Variants in SVEP1 observed in about 807,000 individuals in gnomAD.
The protein encoded by SVEP1 is sushi, von Willebrand factor type A, EGF and pentraxin domain containing 1, also known as sushi, von Willebrand factor type A, EGF and pentraxin domain-containing protein 1.
SVEP1 carries 164 observed loss-of-function variants against 367.3 expected under a neutral mutation model. The ratio of observed to expected loss-of-function variants is 0.45; its 90% CI spans 0.39 to 0.51. The LOEUF (loss-of-function observed/expected upper bound fraction) is 0.51, where lower values mean the gene tolerates loss of function less well. Among genes scored for constraint, SVEP1 ranks in the 20% least tolerant of loss-of-function variants. SVEP1 has a pLI of 0.00. For synonymous variants in SVEP1, 1,666 were observed against 1,611.6 expected (o/e 1.03, Z -0.81); for missense variants, 4,117 against 4,425.3 (o/e 0.93, Z 1.98).
intron 24 of SVEP1, among the ~76,000 whole-genome samples, 198 bp downstream of exon 24, chr9:110,449,861 C>T (rs1443483844): frequency 2.0e-5 from 3 of 152,064 alleles, no homozygotes; most frequent in Non-Finnish European, 4.4e-5. Flanking sequence ...AACAGGTTGC[C>T]TATTTTAAAA....
At chr9:110,404,269 T>G in intron 39 of SVEP1, 58 bp downstream of exon 39, 1 of 1,527,022 alleles carries the variant, frequency 6.5e-7, no homozygotes. Flanking sequence ...AGATACTGCT[T>G]GCTTGGCAAT....
chr9:110,471,215 T>C (rs1829012094), intron 16 of SVEP1, 149 bp downstream of exon 16: 2 of 660,208 alleles, frequency 3.0e-6, no homozygotes, highest in Non-Finnish European at 5.0e-6. Flanking sequence ...TTCCTTAGAC[T>C]CTTGAGACAA....
At chr9:110,438,177 A>ATTT (rs10593866) in intron 27 of SVEP1, among the ~76,000 whole-genome samples, 918 of 75,532 alleles carry the variant, frequency 0.012, 84 homozygotes, top group African/African-American at 0.044. Context: ...TAGTTATGCT[A>ATTT]TTTTTTTTTT....
intron 1 of SVEP1, among the ~76,000 whole-genome samples, chr9:110,568,442 C>T (rs1588112243): frequency 6.6e-6 from 1 of 152,082 alleles, no homozygotes; most frequent in South Asian, 2.1e-4. Context: ...GTAAATATTT[C>T]GTTTTAGGAT....
At chr9:110,528,616 G>A (rs1564168320) in intron 3 of SVEP1, among the ~76,000 whole-genome samples, 2 of 151,774 alleles carry the variant, frequency 1.3e-5, no homozygotes, top group Non-Finnish European at 2.9e-5. Context: ...CTTGAGAAAT[G>A]TCTAAGTTGA....
At chr9:110,414,929 G>A (rs1202133036) in intron 36 of SVEP1, among the ~76,000 whole-genome samples, 2 of 151,942 alleles carry the variant, frequency 1.3e-5, no homozygotes, top group African/African-American at 4.8e-5. Context: ...AGAATCAAAA[G>A]GAAAAATTTA....
chr9:110,495,238 G>GC lies in SVEP1; in HGVS notation c.1800+1576dup, dbSNP rs541331589. ...CCCCCATGTAGTAGGCTGAATAACG[G>GC]CCCCCCCAAAGATCATCCATGTTCT... On this transcript the variant is annotated intron_variant, in intron 8 of 47. Transcript: ENST00000374469. Among the ~76,000 whole-genome samples, 21 of 151,906 alleles carry GC rather than the reference G, an allele frequency of 1.4e-4. No homozygotes were observed. The East Asian group carries it at 1.9e-3, about 14-fold the overall frequency.
chr9:110,502,645 T>C (rs1829551711), intron 6 of SVEP1, among the ~76,000 whole-genome samples: 1 of 152,234 alleles, frequency 6.6e-6, no homozygotes, highest in Admixed American at 6.5e-5. Flanking sequence ...TAAAGCAATT[T>C]TTAAGATTCA....
intron 27 of SVEP1, among the ~76,000 whole-genome samples, chr9:110,441,060 T>C (rs1022785139): frequency 3.3e-5 from 5 of 152,148 alleles, no homozygotes; most frequent in Non-Finnish European, 5.9e-5. Flanking sequence ...GACAAAAATA[T>C]TGTGTAAATT....
At chr9:110,565,675 G>A (rs1451011704) in intron 1 of SVEP1, among the ~76,000 whole-genome samples, 1 of 152,088 alleles carries the variant, frequency 6.6e-6, no homozygotes, top group Non-Finnish European at 1.5e-5. Context: ...CTTAGAGAGT[G>A]CCCATTCAAA....
At position 110,404,520 on chromosome 9, in the gene SVEP1, G is replaced by A. The variant is rs1827925035; in HGVS notation, c.9473C>T (p.Thr3158Ile). Residue 3158 changes from threonine (T) to isoleucine (I), a missense_variant, in exon 39 of 48, where the codon ACA (threonine) becomes ATA (isoleucine). By Grantham distance (89) the Thr-to-Ile change is moderately conservative (BLOSUM62 -1). Around this residue, in one of 4 missense-constraint regions of SVEP1, gnomAD observed 1,765 missense variants for 1,781.1 expected, o/e 0.99. Transcript: ENST00000374469. ...ATCTTTCTGACAGGTGAATGTATCT[G>A]TATCTGTATCCATCGTATAACCTTC... ...CLEGYTMDTD[T>I]DTFTCQKDGR... is the part of the protein sequence containing the mutation. 1 of 1,613,972 alleles carries A rather than the reference G, an allele frequency of 6.2e-7. No individual in the cohort carries two copies. The highest frequency in any genetic ancestry group is 8.5e-7 in the Non-Finnish European group (1 of 1,179,876).
intron 18 of SVEP1, among the ~76,000 whole-genome samples, chr9:110,463,178 C>T (rs1419961730): frequency 6.7e-6 from 1 of 150,126 alleles, no homozygotes; most frequent in East Asian, 2.0e-4. Flanking sequence ...CTAGTCTAAA[C>T]ATCATCTTTT....
chr9:110,576,827 G>A (rs147187857), intron 1 of SVEP1, among the ~76,000 whole-genome samples: 41 of 152,114 alleles, frequency 2.7e-4, no homozygotes, highest in African/African-American at 9.1e-4. Flanking sequence ...TAAAGAATAT[G>A]CATAAATGCT....
chr9:110,551,591 C>T (rs752421179), intron 1 of SVEP1, among the ~76,000 whole-genome samples: 19 of 152,138 alleles, frequency 1.2e-4, no homozygotes, highest in East Asian at 3.9e-4. Context: ...GCTTCTGCGA[C>T]GGAGTAGCAT....
chr9:110,460,562 G>T (rs1216108613), intron 18 of SVEP1, among the ~76,000 whole-genome samples: 2 of 152,116 alleles, frequency 1.3e-5, no homozygotes, highest in Admixed American at 6.6e-5. Flanking sequence ...AGACTAGCCT[G>T]GCCAAAATGG....
Position 110,445,199 on chromosome 9 carries a change from A to G in SVEP1, c.4463+638T>C, listed in dbSNP as rs1828572133. The stretch of plus-strand genomic sequence containing the variant: ...GGGTCAGTGGACAGCTCAGTGATAA[A>G]TAATGTGGACAGTTGGCCAACGATG... On this transcript the variant is annotated intron_variant, in intron 26 of 47. Coordinates refer to ENST00000374469, the MANE Select transcript of SVEP1 (RefSeq NM_153366.4). Among the ~76,000 whole-genome samples the G allele has an allele frequency of 3.9e-5, 6 of 152,172 alleles. No individual in the cohort carries two copies. The South Asian group carries it at 1.2e-3, about 31-fold the overall frequency.
intron 27 of SVEP1, among the ~76,000 whole-genome samples, chr9:110,436,841 A>C (rs1828437693): frequency 6.6e-6 from 1 of 152,214 alleles, no homozygotes; most frequent in Non-Finnish European, 1.5e-5. Context: ...CATGGAAGTG[A>C]CTGCTCTTTA....
At chr9:110,429,680 C>T (rs1005317743) in intron 34 of SVEP1, among the ~76,000 whole-genome samples, 5 of 152,004 alleles carry the variant, frequency 3.3e-5, no homozygotes, top group Non-Finnish European at 7.4e-5. Context: ...CTCAGGGTGC[C>T]TCAAGGGGGC....
chr9:110,524,017 T>C (rs777595760), intron 3 of SVEP1, among the ~76,000 whole-genome samples: 2 of 152,106 alleles, frequency 1.3e-5, no homozygotes, highest in African/African-American at 2.4e-5. Flanking sequence ...AGATACTATA[T>C]ACTATGCACA....
Sources: allele counts gnomAD v4.1 joint callset (sites outside exome capture counted in the v4.1 genomes callset), GRCh38; gene constraint gnomAD v4.1.1; regional missense constraint gnomAD v4.1.1; transcripts MANE v1.5; gene names NCBI Gene and HGNC (gene_info 2026-07-23, HGNC 2026-07-21).